CHRM4: variants seen among roughly 807,000 people sequenced by gnomAD.
CHRM4 encodes cholinergic receptor muscarinic 4.
Under a neutral mutation model 26.3 loss-of-function variants are expected in CHRM4, and 5 were observed. That is an observed-to-expected ratio of 0.19 (90% confidence interval 0.10 to 0.40). CHRM4 has a LOEUF of 0.40. CHRM4 is among the 10% of genes least tolerant of loss of function. The probability of loss-of-function intolerance (pLI) is 1.00; values close to 1 mark genes in which losing one functional copy is unlikely to be tolerated. For missense variants in CHRM4, 402 were observed against 664.5 expected (o/e 0.60, Z 4.34); for synonymous variants, 290 against 285.3 (o/e 1.02, Z -0.16).
At chr11:46,388,129 C>A (rs973867653) in intron 1 of CHRM4, among the ~76,000 whole-genome samples, 5 of 152,180 alleles carry the variant, frequency 3.3e-5, no homozygotes, top group African/African-American at 1.2e-4. Flanking sequence ...CCTTCACACC[C>A]GCCAACACAC....
intron 1 of CHRM4, among the ~76,000 whole-genome samples, chr11:46,390,470 G>T (rs1263921547): frequency 1.3e-5 from 2 of 152,258 alleles, no homozygotes; most frequent in Non-Finnish European, 2.9e-5. Context: ...TTCTCGCGGC[G>T]AGAGGGCATC....
rs1223530480 is a variant in CHRM4, at chr11:46,385,065, TC to T, written c.*52del. 38 of 1,507,746 alleles carry T rather than the reference TC, an allele frequency of 2.5e-5. No individual in the cohort carries two copies. Among genetic ancestry groups the T allele is most frequent in the Middle Eastern group, 3.8e-4 (2 of 5,232 alleles). 93.4% of individuals were successfully genotyped at this position (1,507,746 alleles called of 1,614,324 possible). ...TCCCCACAGCAAGTGAGCCGTGTGGTCCCCCCAGCACACGCACGCAACACCA... is the reference window on the plus strand; with the variant it reads ...TCCCCACAGCAAGTGAGCCGTGTGGTCCCCCAGCACACGCACGCAACACCA... On this transcript the variant is annotated 3_prime_UTR_variant, in exon 2 of 2. Coordinates refer to ENST00000682254, the MANE Select transcript of CHRM4 (RefSeq NM_000741.5). This position sits in a 1 kb window ranked among gnomAD's most constrained non-coding sequence, Gnocchi z 6.3.
chr11:46,387,148 C>T (rs1419490073), intron 1 of CHRM4, among the ~76,000 whole-genome samples: 2 of 152,234 alleles, frequency 1.3e-5, no homozygotes, highest in Admixed American at 6.5e-5. Flanking sequence ...TTCTGTTCAT[C>T]CATTTACCCA....
rs1336722245 is a variant in CHRM4 at position 46,386,127 on chromosome 11, C to T, written c.431G>A (p.Arg144His). Residue 144 changes from arginine to histidine, a missense_variant, in exon 2 of 2, where the codon CGC becomes CAC. Physicochemically the swap from Arg to His is conservative, Grantham distance 29. This residue lies in a region of CHRM4 where 48 missense variants were observed against 129.1 expected (regional missense o/e 0.37). Transcript: ENST00000682254. The surrounding 1 kb of genome is among the most constrained non-coding windows in gnomAD (Gnocchi z 5.8). ...VTKPLTYPAR[R>H]TTKMAGLMIA... ...CATGAGGCCTGCCATCTTGGTGGTGCGCCGGGCAGGGTAGGTGAGAGGCTT... is the reference window on the plus strand; with the variant it reads ...CATGAGGCCTGCCATCTTGGTGGTGTGCCGGGCAGGGTAGGTGAGAGGCTT... 1 of 1,608,696 alleles carries T rather than the reference C, an allele frequency of 6.2e-7. No homozygotes were observed. The highest frequency in any genetic ancestry group is 8.5e-7 in the Non-Finnish European group (1 of 1,178,280).
intron 1 of CHRM4, among the ~76,000 whole-genome samples, chr11:46,390,146 T>A (rs113319186): frequency 2.6e-5 from 4 of 152,194 alleles, no homozygotes; most frequent in South Asian, 2.1e-4. Flanking sequence ...AGACCTTAGC[T>A]GTCCGCCTGA....
rs746656747 is a variant in CHRM4 at position 46,386,351 on chromosome 11, G to A, written c.207C>T (p.Tyr69=). 6.2e-7 allele frequency: 1 copy of A among 1,614,044 alleles called. No homozygotes were observed. The highest frequency in any genetic ancestry group is 1.7e-5 in the Admixed American group (1 of 60,020). The change falls in exon 2 of 2, where the codon TAC becomes TAT. Residue 69 remains tyrosine (Y), a synonymous_variant. Coordinates refer to ENST00000682254, the MANE Select transcript of CHRM4 (RefSeq NM_000741.5). This position sits in a 1 kb window ranked among gnomAD's most constrained non-coding sequence, Gnocchi z 5.8. ...VNRQLQTVNN[Y]FLFSLACADL... ...CAGCACACGCCAGGCTGAAGAGGAA[G>A]TAGTTGTTGACTGTCTGCAGCTGCC...
At chr11:46,388,485 C>T (rs775654006) in intron 1 of CHRM4, among the ~76,000 whole-genome samples, 10 of 152,232 alleles carry the variant, frequency 6.6e-5, no homozygotes, top group Non-Finnish European at 1.0e-4. Context: ...CCAAGTCTGA[C>T]CCCAGCCCTT....
Position 46,383,978 on chromosome 11 carries a change from T to A in CHRM4, c.*1140A>T, listed in dbSNP as rs566205444. The A allele has an allele frequency of 4.4e-6, 1 of 225,864 alleles. No homozygotes were observed. The highest frequency in any genetic ancestry group is 2.3e-5 in the African/African-American group (1 of 42,996). The allele number at this position is 225,864 out of a possible 1,614,324, so 14.0% of individuals were successfully genotyped here. A position where few individuals can be genotyped will look rare whatever the true frequency, so the allele number is the denominator to read the frequency against. On this transcript the variant is annotated 3_prime_UTR_variant, in exon 2 of 2. Coordinates refer to ENST00000682254, the MANE Select transcript of CHRM4 (RefSeq NM_000741.5). ...GGAAAAAGCAGAACAATTACAAACA[T>A]TTCTTCCAGGGCCCCTGAAAGGGTG...
rs137862710 is a variant in CHRM4 at position 46,384,876 on chromosome 11, G to T, written c.*242C>A. Reference sequence around the variant, plus strand: ...CACCCAGGCCAGTGCCCCGCAGCTCGCTGAAGCAGGGCCACAGAGGTGGGC... The same window carrying T: ...CACCCAGGCCAGTGCCCCGCAGCTCTCTGAAGCAGGGCCACAGAGGTGGGC... On this transcript the variant is annotated 3_prime_UTR_variant, in exon 2 of 2. Transcript: ENST00000682254. 6.6e-6 allele frequency among the ~76,000 whole-genome samples: 1 copy of T among 152,214 alleles called. No homozygotes were observed. Among genetic ancestry groups the T allele is most frequent in the Non-Finnish European group, 1.5e-5 (1 of 68,034 alleles).
rs1945395826 is a variant in CHRM4, at chr11:46,391,709, G to C, written c.-208C>G. On this transcript the variant is annotated 5_prime_UTR_variant, in exon 1 of 2. Transcript: ENST00000682254. This position sits in a 1 kb window ranked among gnomAD's most constrained non-coding sequence, Gnocchi z 6.3. ...CCGGCGGGGCGGGCGGCCGGGCCGAGGGCCGGGGGCGGGGACGGGGTGTCG... is the reference window on the plus strand; with the variant it reads ...CCGGCGGGGCGGGCGGCCGGGCCGACGGCCGGGGGCGGGGACGGGGTGTCG... 6.7e-6 allele frequency among the ~76,000 whole-genome samples: 1 copy of C among 148,774 alleles called. No homozygotes were observed. Among genetic ancestry groups the C allele is most frequent in the Admixed American group, 6.7e-5 (1 of 14,990 alleles).
At chr11:46,387,468 C>T (rs1396683778) in intron 1 of CHRM4, among the ~76,000 whole-genome samples, 1 of 152,158 alleles carries the variant, frequency 6.6e-6, no homozygotes, top group Non-Finnish European at 1.5e-5. Flanking sequence ...CATAACAAAC[C>T]TATGAGGTAG....
chr11:46,384,676 C>CA lies in CHRM4; in HGVS notation c.*441dup, dbSNP rs1042886958. ...AGCCTACATGCGGGGTGCAAGGGGG[C>CA]AGAAAGCACCGATTACAGCAGAATG... On this transcript the variant is annotated 3_prime_UTR_variant, in exon 2 of 2. Transcript: ENST00000682254. 1.6e-4 allele frequency among the ~76,000 whole-genome samples: 24 copies of CA among 152,202 alleles called. No homozygotes were observed. Among genetic ancestry groups the CA allele is most frequent in the Admixed American group, 5.9e-4 (9 of 15,282 alleles).
At position 46,386,097 on chromosome 11, in the gene CHRM4, G is replaced by A; in HGVS notation, c.461C>T (p.Ala154Val). ...CACGAAGGACAGTACCCAGGCAGCA[G>A]CAATCATGAGGCCTGCCATCTTGGT... is the stretch of plus-strand genomic sequence containing the variant. The part of the protein sequence containing the change: ...RTTKMAGLMI[A>V]AAWVLSFVLW... Residue 154 changes from alanine to valine, a missense_variant, in exon 2 of 2, where the codon GCT (alanine) becomes GTT (valine). This residue lies in a region of CHRM4 where 48 missense variants were observed against 129.1 expected (regional missense o/e 0.37). Transcript: ENST00000682254. This position sits in a 1 kb window ranked among gnomAD's most constrained non-coding sequence, Gnocchi z 5.8. 3.7e-6 allele frequency: 6 copies of A among 1,613,430 alleles called. No individual in the cohort carries two copies. Among genetic ancestry groups the A allele is most frequent in the Non-Finnish European group, 5.1e-6 (6 of 1,179,752 alleles).
rs1945310646 is a variant in CHRM4, at chr11:46,384,431, C to A, written c.*687G>T. On this transcript the variant is annotated 3_prime_UTR_variant, in exon 2 of 2. Coordinates refer to ENST00000682254, the MANE Select transcript of CHRM4 (RefSeq NM_000741.5). Reference sequence around the variant, plus strand: ...GCTGCAGGGGGCTGTCTTCTGAATACGTGGACCACTCACGGCTCAGCCTGG... The same window carrying A: ...GCTGCAGGGGGCTGTCTTCTGAATAAGTGGACCACTCACGGCTCAGCCTGG... 6.6e-6 allele frequency among the ~76,000 whole-genome samples: 1 copy of A among 152,224 alleles called. No individual in the cohort carries two copies. The highest frequency in any genetic ancestry group is 6.5e-5 in the Admixed American group (1 of 15,282).
At chr11:46,389,524 C>T (rs1037927716) in intron 1 of CHRM4, among the ~76,000 whole-genome samples, 1 of 152,260 alleles carries the variant, frequency 6.6e-6, no homozygotes, top group African/African-American at 2.4e-5. Flanking sequence ...ATACGCCTGG[C>T]ATCTGGGGAG....
chr11:46,389,317 G>T (rs908062296), intron 1 of CHRM4, among the ~76,000 whole-genome samples: 1 of 152,208 alleles, frequency 6.6e-6, no homozygotes, highest in Non-Finnish European at 1.5e-5. Flanking sequence ...AGATCCTGGC[G>T]GCTGGGCTGA....
chr11:46,390,798 T>G (rs370491246), intron 1 of CHRM4, among the ~76,000 whole-genome samples: 2 of 152,256 alleles, frequency 1.3e-5, no homozygotes, highest in Non-Finnish European at 2.9e-5. Flanking sequence ...TCCCGAGTCC[T>G]CGACACCCCT....
rs201003362 is a variant in CHRM4 at position 46,386,311 on chromosome 11, C to T, written c.247G>A (p.Ala83Thr). ...ACGGTGTAGAGGTTCATGGAGAAGGCGCCTATGATGAGATCAGCACACGCC... is the reference window on the plus strand; with the variant it reads ...ACGGTGTAGAGGTTCATGGAGAAGGTGCCTATGATGAGATCAGCACACGCC... The part of the protein sequence containing the change: ...SLACADLIIG[A>T]FSMNLYTVYI... The change falls in exon 2 of 2, where the codon GCC becomes ACC. Residue 83 changes from alanine to threonine, a missense_variant. Coordinates refer to ENST00000682254, the MANE Select transcript of CHRM4 (RefSeq NM_000741.5). The surrounding 1 kb of genome is among the most constrained non-coding windows in gnomAD (Gnocchi z 5.8). The T allele has an allele frequency of 3.7e-6, 6 of 1,613,700 alleles. No individual in the cohort carries two copies. Among genetic ancestry groups the T allele is most frequent in the East Asian group, 2.2e-5 (1 of 44,894 alleles).
Position 46,386,700 on chromosome 11 carries a change from A to G in CHRM4, c.-29-114T>C. The G allele has an allele frequency of 9.4e-7, 1 of 1,061,242 alleles. No individual in the cohort carries two copies. Among genetic ancestry groups the G allele is most frequent in the Non-Finnish European group, 1.3e-6 (1 of 742,776 alleles). 65.7% of individuals were successfully genotyped at this position (1,061,242 alleles called of 1,614,324 possible). A position where few individuals can be genotyped will look rare whatever the true frequency, so the allele number is the denominator to read the frequency against. ...ACATTCTCTGGCAGAATGCCTTGAG[A>G]GAACTCTGTCCCGCCATCCCGCATT... On this transcript the variant is annotated intron_variant, in intron 1 of 1. Coordinates refer to ENST00000682254, the MANE Select transcript of CHRM4 (RefSeq NM_000741.5). The surrounding 1 kb of genome is among the most constrained non-coding windows in gnomAD (Gnocchi z 5.8).
Sources: allele counts gnomAD v4.1 joint callset (sites outside exome capture counted in the v4.1 genomes callset), GRCh38; gene constraint gnomAD v4.1.1; regional missense constraint gnomAD v4.1.1; non-coding constraint Gnocchi (gnomAD v3.1); transcripts MANE v1.5; gene names NCBI Gene and HGNC (gene_info 2026-07-23, HGNC 2026-07-21).